PNPT1: variants seen among roughly 807,000 people sequenced by gnomAD.
PNPT1 encodes the protein polyribonucleotide nucleotidyltransferase 1.
A neutral mutation model predicts 119.5 loss-of-function variants in PNPT1; 53 were observed. The ratio of observed to expected loss-of-function variants is 0.44; its 90% CI spans 0.36 to 0.56. The LOEUF is 0.56. Among genes scored for constraint, PNPT1 ranks in the 20% least tolerant of loss-of-function variants. The pLI, the probability that PNPT1 is intolerant of heterozygous loss-of-function variation, is 0.00. For missense variants in PNPT1, 948 were observed against 938.5 expected (o/e 1.01, Z -0.13); for synonymous variants, 357 against 322.1 (o/e 1.11, Z -1.16).
At position 55,691,601 on chromosome 2, in the gene PNPT1, G is replaced by A. The variant is rs543904193; in HGVS notation, c.161+2062C>T. On this transcript the variant is annotated intron_variant, in intron 1 of 27. Transcript: ENST00000447944. Reference sequence around the variant, plus strand: ...TAGATTATTTATGGAAAATATGGAGGGCAGCAGCTGCATCTTGTTTTCAGT... The same window carrying A: ...TAGATTATTTATGGAAAATATGGAGAGCAGCAGCTGCATCTTGTTTTCAGT... Among the ~76,000 whole-genome samples, 4 of 152,126 alleles carry A rather than the reference G, an allele frequency of 2.6e-5. No homozygotes were observed. The East Asian group carries it at 7.7e-4, about 29-fold the overall frequency.
At chr2:55,679,534 G>T (rs1237231975) in intron 8 of PNPT1, 148 bp downstream of exon 8, 1 of 560,496 alleles carries the variant, frequency 1.8e-6, no homozygotes, top group African/African-American at 2.0e-5. Context: ...TTGATATGAA[G>T]CAAGAGCACA....
At position 55,681,031 on chromosome 2, in the gene PNPT1, T is replaced by C. The variant is rs900440287; in HGVS notation, c.454-113A>G. ...AGCAGGGGCTTTGTAGCCAAACCTC[T>C]TAATTTTGGCTGTCATTAAACGAAA... On this transcript the variant is annotated intron_variant, in intron 5 of 27. Coordinates refer to ENST00000447944, the MANE Select transcript of PNPT1 (RefSeq NM_033109.5). 4 of 804,820 alleles carry C rather than the reference T, an allele frequency of 5.0e-6. No homozygotes were observed. In the African/African-American group the frequency reaches 7.0e-5, roughly 14 times the overall value. 49.9% of individuals were successfully genotyped at this position (804,820 alleles called of 1,614,324 possible). A position where few individuals can be genotyped will look rare whatever the true frequency, so the allele number is the denominator to read the frequency against.
In PNPT1 at chr2:55,680,848, T is replaced by A. The variant is rs367769124; in HGVS notation, c.517+7A>T. 20 of 1,613,524 alleles carry A rather than the reference T, an allele frequency of 1.2e-5. No homozygotes were observed. The highest frequency in any genetic ancestry group is 1.7e-5 in the Non-Finnish European group (20 of 1,179,572). ...CTGATAATTTTAATCTCTACTTTTA[T>A]ACTTACCGCCATTAATTGCTAGGAC... On this transcript the variant is annotated splice_region_variant and intron_variant, in intron 6 of 27. Transcript: ENST00000447944.
chr2:55,650,166 A>ACCTCTG (rs1553494844), intron 18 of PNPT1, among the ~76,000 whole-genome samples: 1 of 151,032 alleles, frequency 6.6e-6, no homozygotes, highest in Non-Finnish European at 1.5e-5. Context: ...CTCTACCTCT[A>ACCTCTG]CCTCTACCCA....
intron 25 of PNPT1, among the ~76,000 whole-genome samples, chr2:55,641,040 A>G (rs1329629708): frequency 6.6e-6 from 1 of 152,064 alleles, no homozygotes; most frequent in Non-Finnish European, 1.5e-5. Context: ...CCTGGCCAAC[A>G]TGGTGAAACC....
At chr2:55,654,368 C>T (rs527638233) in intron 18 of PNPT1, among the ~76,000 whole-genome samples, 7 of 152,204 alleles carry the variant, frequency 4.6e-5, no homozygotes, top group East Asian at 1.9e-4. Context: ...TGTGTGTACA[C>T]GCCTGAGTGG....
At chr2:55,680,570 A>C (rs1044135504) in intron 7 of PNPT1, 142 bp downstream of exon 7, 10 of 757,690 alleles carry the variant, frequency 1.3e-5, no homozygotes, top group Non-Finnish European at 2.1e-5. Context: ...GAAAGACCTG[A>C]AAGGAGACTT....
chr2:55,681,006 A>G, intron 5 of PNPT1, 88 bp from the exon 6 acceptor site: 2 of 1,037,676 alleles, frequency 1.9e-6, no homozygotes, highest in South Asian at 2.8e-5. Context: ...TATGGCTAAA[A>G]GCAGGGGCTT....
In PNPT1 at chr2:55,683,849, A is replaced by G; in HGVS notation, c.404-15T>C. 6.2e-7 allele frequency: 1 copy of G among 1,613,088 alleles called. No homozygotes were observed. The highest frequency in any genetic ancestry group is 1.1e-5 in the South Asian group (1 of 91,010). On this transcript the variant is annotated splice_polypyrimidine_tract_variant and intron_variant, in intron 4 of 27. Coordinates refer to ENST00000447944, the MANE Select transcript of PNPT1 (RefSeq NM_033109.5). ...AATTGAACGATCTGCCAAAAGAAAA[A>G]AAAACACATTAAACCGTACTGACAG...
chr2:55,676,791 G>C (rs1370818501), intron 8 of PNPT1, among the ~76,000 whole-genome samples: 1 of 151,906 alleles, frequency 6.6e-6, no homozygotes, highest in East Asian at 1.9e-4. Flanking sequence ...GAACCTGGGA[G>C]GCGGAAGTTG....
At chr2:55,683,919 T>C (rs1572834155) in intron 4 of PNPT1, 85 bp from the exon 5 acceptor site, 20 of 1,301,846 alleles carry the variant, frequency 1.5e-5, no homozygotes, top group East Asian at 2.3e-5. Flanking sequence ...TAGATAGCCA[T>C]TCAATATGTT....
intron 8 of PNPT1, among the ~76,000 whole-genome samples, chr2:55,674,599 A>C (rs193146263): frequency 1.3e-4 from 20 of 152,328 alleles, no homozygotes; most frequent in African/African-American, 3.4e-4. Context: ...TCTCAAAAAA[A>C]TAAATAAATA....
chr2:55,665,006 T>C (rs1200623007), intron 13 of PNPT1, among the ~76,000 whole-genome samples: 2 of 152,190 alleles, frequency 1.3e-5, no homozygotes, highest in Admixed American at 1.3e-4. Flanking sequence ...AATTTTAAGA[T>C]AATTTTGAGG....
intron 17 of PNPT1, among the ~76,000 whole-genome samples, chr2:55,655,547 C>A (rs1245816791): frequency 6.6e-6 from 1 of 152,172 alleles, no homozygotes; most frequent in African/African-American, 2.4e-5. Flanking sequence ...TTCTCATAAG[C>A]CCATTAATTT....
At position 55,644,607 on chromosome 2, in the gene PNPT1, A is replaced by G. The variant is rs370341576; in HGVS notation, c.1906+30T>C. 2.6e-6 allele frequency: 4 copies of G among 1,532,170 alleles called. No homozygotes were observed. In the African/African-American group the frequency reaches 5.5e-5, roughly 21 times the overall value. The allele number at this position is 1,532,170 out of a possible 1,614,324, so 94.9% of individuals were successfully genotyped here. A position where few individuals can be genotyped will look rare whatever the true frequency, so the allele number is the denominator to read the frequency against. On this transcript the variant is annotated intron_variant, in intron 23 of 27. Transcript: ENST00000447944. ...AACTTTTATGGTCTAGCATTTAATT[A>G]AAAAACCCCAAACTTCATACAACTC...
chr2:55,680,991 C>T, intron 5 of PNPT1, 73 bp from the exon 6 acceptor site: 1 of 1,196,502 alleles, frequency 8.4e-7, no homozygotes, highest in Non-Finnish European at 1.2e-6. Context: ...AATACAAGAG[C>T]ACTATATGGC....
At chr2:55,675,355 G>A (rs539773028) in intron 8 of PNPT1, among the ~76,000 whole-genome samples, 65 of 150,236 alleles carry the variant, frequency 4.3e-4, no homozygotes, top group African/African-American at 1.6e-3. Context: ...TGGGAGGCCA[G>A]GACAGGAGGA....
chr2:55,652,876 G>A (rs929667125), intron 18 of PNPT1, among the ~76,000 whole-genome samples: 3 of 152,104 alleles, frequency 2.0e-5, no homozygotes, highest in African/African-American at 7.2e-5. Context: ...TTGAGACAGA[G>A]TCACTCTGTT....
At position 55,665,470 on chromosome 2, in the gene PNPT1, GT is replaced by G. The variant is rs559826154; in HGVS notation, c.1176+1520del. ...AAAGAAGGAGACATATATATATAAA[GT>G]TTGTTACCAAAAGGAATTAATATTT... On this transcript the variant is annotated intron_variant, in intron 13 of 27. Coordinates refer to ENST00000447944, the MANE Select transcript of PNPT1 (RefSeq NM_033109.5). 3.8e-3 allele frequency among the ~76,000 whole-genome samples: 583 copies of G among 152,248 alleles called. 1 individual carries two copies. The highest frequency in any genetic ancestry group is 5.5e-3 in the Non-Finnish European group (374 of 68,014).
Sources: allele counts gnomAD v4.1 joint callset (sites outside exome capture counted in the v4.1 genomes callset), GRCh38; gene constraint gnomAD v4.1.1; transcripts MANE v1.5; gene names NCBI Gene and HGNC (gene_info 2026-07-23, HGNC 2026-07-21).